The following FBXW11 variants were observed in gnomAD, a reference collection of about 807,000 sequenced individuals.
FBXW11 encodes F-box and WD repeat domain containing 11, also known as F-box/WD repeat-containing protein 11.
A neutral mutation model predicts 77.6 loss-of-function variants in FBXW11; 19 were observed. The observed-to-expected ratio is 0.24, with a 90% CI of 0.17 to 0.36. The LOEUF is 0.36. Ranked by LOEUF, FBXW11 falls within the 10% of genes least tolerant of loss-of-function variation. The probability of loss-of-function intolerance (pLI) is 1.00; values close to 1 mark genes in which losing one functional copy is unlikely to be tolerated. For synonymous variants in FBXW11, 235 were observed against 249.4 expected (o/e 0.94, Z 0.54); for missense variants, 334 against 704.2 (o/e 0.47, Z 5.95).
At chr5:171,906,720 A>G (rs1482635594) in intron 4 of FBXW11, among the ~76,000 whole-genome samples, 3 of 152,196 alleles carry the variant, frequency 2.0e-5, no homozygotes, top group Non-Finnish European at 2.9e-5. Context: ...AAGTGGGACC[A>G]CACAGCTGTA....
rs979230598 is a variant in FBXW11 at position 171,940,369 on chromosome 5, T to C, written c.147+17228A>G. Among the ~76,000 whole-genome samples the C allele has an allele frequency of 4.6e-5, 7 of 152,258 alleles. No homozygotes were observed. The South Asian group carries it at 1.2e-3, about 27-fold the overall frequency. ...TTTTATATAGACAAAAAATTATACA[T>C]ACATTTCCTAACACAGTTGGCTGAG... On this transcript the variant is annotated intron_variant, in intron 2 of 13. Coordinates refer to ENST00000517395, the MANE Select transcript of FBXW11 (RefSeq NM_001378974.1).
At chr5:171,948,502 T>G (rs1323344604) in intron 2 of FBXW11, among the ~76,000 whole-genome samples, 1 of 151,248 alleles carries the variant, frequency 6.6e-6, no homozygotes, top group African/African-American at 2.4e-5. Context: ...CTTTGGGAGG[T>G]AGAGGCAGGA....
At chr5:171,929,607 T>G (rs746624185) in intron 2 of FBXW11, among the ~76,000 whole-genome samples, 21 of 151,916 alleles carry the variant, frequency 1.4e-4, no homozygotes, top group Non-Finnish European at 2.8e-4. Context: ...ATCCTAGCAC[T>G]TTGGGAGGCC....
intron 12 of FBXW11, 77 bp from the exon 13 acceptor site, chr5:171,868,873 A>T: frequency 7.3e-7 from 1 of 1,376,300 alleles, no homozygotes; most frequent in Non-Finnish European, 9.9e-7. Context: ...ACTGGGCAGA[A>T]GATGAAAATG....
At chr5:171,864,395 A>ATT (rs557424210) in intron 13 of FBXW11, among the ~76,000 whole-genome samples, 2 of 152,254 alleles carry the variant, frequency 1.3e-5, no homozygotes, top group Non-Finnish European at 2.9e-5. Flanking sequence ...CAGAGAGGGG[A>ATT]TTCAAGGAGA....
rs146774016 is a variant in FBXW11, at chr5:171,945,859, C to T, written c.147+11738G>A. On this transcript the variant is annotated intron_variant, in intron 2 of 13. Transcript: ENST00000517395. ...TCTTTCATTTCATCATGAACTGTTT[C>T]CATTTTGAATCCCTAACTCCAAAGT... Among the ~76,000 whole-genome samples the T allele has an allele frequency of 1.8e-3, 279 of 152,258 alleles. 1 individual carries two copies. The highest frequency in any genetic ancestry group is 2.6e-3 in the Non-Finnish European group (177 of 68,012).
chr5:171,910,065 T>G (rs1475249409), intron 4 of FBXW11, among the ~76,000 whole-genome samples: 5 of 143,870 alleles, frequency 3.5e-5, no homozygotes, highest in Non-Finnish European at 6.1e-5. Context: ...TGAACACTTT[T>G]TTTTTTTTTT....
At chr5:171,942,777 G>A (rs1269999459) in intron 2 of FBXW11, among the ~76,000 whole-genome samples, 4 of 152,070 alleles carry the variant, frequency 2.6e-5, no homozygotes, top group Non-Finnish European at 5.9e-5. Flanking sequence ...ACTCTGGCCT[G>A]GGTGACAGAG....
In FBXW11 at chr5:171,899,021, T is replaced by C; in HGVS notation, c.697A>G (p.Ile233Val). The C allele has an allele frequency of 6.2e-7, 1 of 1,602,308 alleles. No individual in the cohort carries two copies. The highest frequency in any genetic ancestry group is 8.5e-7 in the Non-Finnish European group (1 of 1,174,796). The change falls in exon 6 of 14, where the codon ATT becomes GTT. Residue 233 changes from isoleucine to valine, a missense_variant. Transcript: ENST00000517395. The part of the protein sequence containing the change: ...NSFYRSLYPK[I>V]IQDIETIESN... ...AAAGTTACCTCTATATCCTGGATAA[T>C]CTTTGGGTATAATGACCTATAAAAT... is the stretch of plus-strand genomic sequence containing the variant.
At chr5:171,877,973 G>T in intron 8 of FBXW11, 38 bp downstream of exon 8, 1 of 1,465,146 alleles carries the variant, frequency 6.8e-7, no homozygotes, top group Non-Finnish European at 9.5e-7. Flanking sequence ...TCTCAGGGAA[G>T]GCTTACAAGT....
At position 171,900,112 on chromosome 5, in the gene FBXW11, A is replaced by G. The variant is rs1760012496; in HGVS notation, c.437-12T>C. ...ATCTAAGCCTTGCTCTACAAAACAG[A>G]AAAGGGAATGAAGGAACGGGAAGAG... is the stretch of plus-strand genomic sequence containing the variant. On this transcript the variant is annotated splice_polypyrimidine_tract_variant and intron_variant, in intron 4 of 13. Transcript: ENST00000517395. The G allele has an allele frequency of 6.3e-7, 1 of 1,587,974 alleles. No individual in the cohort carries two copies. The highest frequency in any genetic ancestry group is 8.6e-7 in the Non-Finnish European group (1 of 1,165,324).
At position 171,876,716 on chromosome 5, in the gene FBXW11, T is replaced by C. The variant is rs536157714; in HGVS notation, c.972-182A>G. ...GCCTGGCAGGAGATGTTTTGGGTCA[T>C]GGTGGTGTATCACTCATGAATGGCT... On this transcript the variant is annotated intron_variant, in intron 8 of 13. Coordinates refer to ENST00000517395, the MANE Select transcript of FBXW11 (RefSeq NM_001378974.1). The surrounding 1 kb of genome is among the most constrained non-coding windows in gnomAD (Gnocchi z 4.2). Among the ~76,000 whole-genome samples, 176 of 152,298 alleles carry C rather than the reference T, an allele frequency of 1.2e-3. No homozygotes were observed. Among genetic ancestry groups the C allele is most frequent in the African/African-American group, 4.0e-3 (166 of 41,566 alleles).
chr5:171,956,284 A>T (rs928700842), intron 2 of FBXW11, among the ~76,000 whole-genome samples: 1 of 152,236 alleles, frequency 6.6e-6, no homozygotes, highest in Non-Finnish European at 1.5e-5. Context: ...CATTTTTGTT[A>T]AAAGTTACAT....
At chr5:171,951,849 A>T (rs181059821) in intron 2 of FBXW11, among the ~76,000 whole-genome samples, 1 of 152,318 alleles carries the variant, frequency 6.6e-6, no homozygotes, top group Non-Finnish European at 1.5e-5. Context: ...ACTTTGAGGC[A>T]TTTTAGGTTT....
intron 2 of FBXW11, among the ~76,000 whole-genome samples, chr5:171,925,978 A>G (rs1216880589): frequency 1.3e-5 from 2 of 152,222 alleles, no homozygotes; most frequent in Non-Finnish European, 2.9e-5. Flanking sequence ...AAGTCACAAT[A>G]TATCTGTACA....
chr5:171,983,828 C>T (rs1166304609), intron 1 of FBXW11, among the ~76,000 whole-genome samples: 1 of 152,132 alleles, frequency 6.6e-6, no homozygotes, highest in African/African-American at 2.4e-5. Context: ...GAAACAAGTG[C>T]TCATGTCTAC....
intron 7 of FBXW11, among the ~76,000 whole-genome samples, chr5:171,887,666 C>CTT (rs543531783): frequency 6.8e-6 from 1 of 146,294 alleles, no homozygotes. Context: ...TGTTTTCTTT[C>CTT]TTTTTTTTTT....
rs141345822 is a variant in FBXW11, at chr5:171,885,540, T to A, written c.852+5927A>T. Among the ~76,000 whole-genome samples the A allele has an allele frequency of 4.1e-4, 63 of 152,308 alleles. No homozygotes were observed. The East Asian group carries it at 0.011, about 27-fold the overall frequency. On this transcript the variant is annotated intron_variant, in intron 7 of 13. Coordinates refer to ENST00000517395, the MANE Select transcript of FBXW11 (RefSeq NM_001378974.1). ...ACCTCACTTCTCTTATGAATCTAAG[T>A]AGAATGGTTGATTTTTCAGTTTGTT...
intron 7 of FBXW11, among the ~76,000 whole-genome samples, chr5:171,888,616 C>T (rs1759079201): frequency 6.6e-6 from 1 of 152,224 alleles, no homozygotes; most frequent in African/African-American, 2.4e-5. Flanking sequence ...ACAGGACCCA[C>T]AGTCTTTACA....
Sources: gnomAD v4.1 joint callset for allele counts (sites outside exome capture counted in the v4.1 genomes callset) on GRCh38, gnomAD v4.1.1 for gene constraint, Gnocchi (gnomAD v3.1) non-coding constraint, MANE v1.5 for transcripts, NCBI Gene and HGNC (gene_info 2026-07-23, HGNC 2026-07-21) for gene names.